Variants in OOEP observed in about 807,000 individuals in gnomAD.
OOEP encodes oocyte-expressed protein homolog.
OOEP carries 16 observed loss-of-function variants against 13.7 expected under a neutral mutation model. The observed-to-expected ratio is 1.16, with a 90% CI of 0.79 to 1.77. The LOEUF is 1.77. Ranked by LOEUF, OOEP falls within the 40% of genes most tolerant of loss-of-function variation. The probability of loss-of-function intolerance (pLI) is 0.00; values close to 1 mark genes in which losing one functional copy is unlikely to be tolerated. For missense variants in OOEP, 195 were observed against 193.1 expected, an observed-to-expected ratio of 1.01 and a Z score of -0.06; for synonymous variants, 89 against 77.1, an observed-to-expected ratio of 1.15 and a Z score of -0.81.
intron 2 of OOEP, among the ~76,000 whole-genome samples, chr6:73,389,285 C>G (rs1197038951): frequency 6.6e-6 from 1 of 152,174 alleles, no homozygotes; most frequent in Non-Finnish European, 1.5e-5. Context: ...CAGAAGTCCC[C>G]GCCCTACTCC....
intron 2 of OOEP, among the ~76,000 whole-genome samples, chr6:73,394,051 A>G (rs1769398544): frequency 6.6e-6 from 1 of 152,090 alleles, no homozygotes; most frequent in Admixed American, 6.6e-5. Flanking sequence ...CATTAAATAC[A>G]TTTTGTGAGC....
intron 2 of OOEP, among the ~76,000 whole-genome samples, chr6:73,376,341 GTTGTTTTT>G (rs1243642738): frequency 0.011 from 773 of 67,872 alleles, no homozygotes; most frequent in Admixed American, 0.021. Flanking sequence ...TGGACAAGGG[GTTGTTTTT>G]TTTTTTTTTT....
chr6:73,385,157 T>A (rs779778650), intron 2 of OOEP, among the ~76,000 whole-genome samples: 4 of 151,526 alleles, frequency 2.6e-5, no homozygotes, highest in Non-Finnish European at 5.9e-5. Context: ...CCATCCTGGC[T>A]AACATGGTGA....
At chr6:73,371,759 A>T (rs200809705), upstream of OOEP, among the ~76,000 whole-genome samples, 1,571 of 151,548 alleles carry the variant, frequency 0.01, 37 homozygotes, top group East Asian at 0.052. Flanking sequence ...TCAAAAATAA[A>T]AAAAAATAAA....
intron 2 of OOEP, among the ~76,000 whole-genome samples, chr6:73,388,752 C>T (rs1769307272): frequency 6.6e-6 from 1 of 152,202 alleles, no homozygotes; most frequent in South Asian, 2.1e-4. Flanking sequence ...ATGAGTCTGG[C>T]AGGTTGTAAG....
intron 2 of OOEP, among the ~76,000 whole-genome samples, chr6:73,392,619 CTTTTTTTTTTTTTTTTTTTTT>C (rs70994198): frequency 2.3e-5 from 1 of 43,992 alleles, no homozygotes; most frequent in South Asian, 1.6e-3. Flanking sequence ...CCTAGGTAAT[CTTTTTTTTTTTTTTTTTTTTT>C]TTTTTTTTGA....
At chr6:73,384,160 T>A (rs905455056) in intron 2 of OOEP, among the ~76,000 whole-genome samples, 3 of 152,090 alleles carry the variant, frequency 2.0e-5, no homozygotes, top group Non-Finnish European at 4.4e-5. Context: ...AAAAGGATTA[T>A]AAGGTAATAC....
At chr6:73,389,219 C>T (rs1201627702) in intron 2 of OOEP, among the ~76,000 whole-genome samples, 4 of 152,056 alleles carry the variant, frequency 2.6e-5, no homozygotes, top group African/African-American at 9.7e-5. Flanking sequence ...TGAGGCTTGC[C>T]GGAGGGAAAT....
At chr6:73,376,344 G>GTTTTTTTTTTTTTTTTTT (rs70994194) in intron 2 of OOEP, among the ~76,000 whole-genome samples, 1 of 103,526 alleles carries the variant, frequency 9.7e-6, no homozygotes, top group African/African-American at 4.0e-5. Context: ...ACAAGGGGTT[G>GTTTTTTTTTTTTTTTTTT]TTTTTTTTTT....
At chr6:73,373,421 A>G (rs1474738645), upstream of OOEP, among the ~76,000 whole-genome samples, 1 of 152,162 alleles carries the variant, frequency 6.6e-6, no homozygotes, top group East Asian at 1.9e-4. Context: ...AGGCAGGTGC[A>G]TGCCATCACA....
intron 2 of OOEP, among the ~76,000 whole-genome samples, chr6:73,384,739 C>CT (rs772710975): frequency 0.014 from 1,903 of 139,074 alleles, 32 homozygotes; most frequent in African/African-American, 0.042. Flanking sequence ...ACAAACAAAC[C>CT]TTTTTTTTTT....
chr6:73,372,852 G>A (rs1029626423), upstream of OOEP, among the ~76,000 whole-genome samples: 20 of 151,016 alleles, frequency 1.3e-4, 1 homozygote, highest in Admixed American at 8.6e-4. Context: ...GCAAACTGAC[G>A]TTTCACAGAG....
upstream of OOEP, chr6:73,373,287 C>T (rs1380383319): frequency 6.3e-7 from 1 of 1,581,848 alleles, no homozygotes; most frequent in Non-Finnish European, 8.7e-7. Flanking sequence ...GTCAAGAACA[C>T]ACCACGATGG....
intron 2 of OOEP, among the ~76,000 whole-genome samples, chr6:73,379,734 T>A (rs1277589079): frequency 6.6e-6 from 1 of 151,880 alleles, no homozygotes; most frequent in Non-Finnish European, 1.5e-5. Context: ...TTCTCATATC[T>A]TTTTTTGTTT....
chr6:73,372,183 C>G (rs1306173204), upstream of OOEP, among the ~76,000 whole-genome samples: 3 of 152,180 alleles, frequency 2.0e-5, no homozygotes. Flanking sequence ...ATATTTTACC[C>G]AGCATGTATA....
At chr6:73,371,896 C>T (rs1389849394), upstream of OOEP, among the ~76,000 whole-genome samples, 1 of 152,152 alleles carries the variant, frequency 6.6e-6, no homozygotes, top group Non-Finnish European at 1.5e-5. Flanking sequence ...CCACTACACT[C>T]CAGCCTGGGC....
chr6:73,373,956 T>G (rs1272267046), upstream of OOEP, among the ~76,000 whole-genome samples: 1 of 152,040 alleles, frequency 6.6e-6, no homozygotes, highest in Non-Finnish European at 1.5e-5. Context: ...ACTGGGAGGC[T>G]GAGGCGGGAG....
upstream of OOEP, among the ~76,000 whole-genome samples, chr6:73,372,870 G>A (rs955419516): frequency 9.2e-5 from 14 of 151,826 alleles, no homozygotes; most frequent in Non-Finnish European, 1.6e-4. Flanking sequence ...GAGCTCTTAA[G>A]GGCCGGAAGA....
In OOEP at chr6:73,368,944, G is replaced by A. The variant is rs1048274728; in HGVS notation, c.371-81C>T. ...GAACTACTCCGTGACTGGGAGTTGG[G>A]GAGGAGAGAAAGATCTGCGATAGTG... On this transcript the variant is annotated intron_variant, in intron 2 of 2. Transcript: ENST00000370359. 2.1e-5 allele frequency: 24 copies of A among 1,126,300 alleles called. No individual in the cohort carries two copies. In the African/African-American group the frequency reaches 3.5e-4, roughly 16 times the overall value. The allele number at this position is 1,126,300 out of a possible 1,614,324, so 69.8% of individuals were successfully genotyped here.
Sources: allele counts gnomAD v4.1 joint callset (sites outside exome capture counted in the v4.1 genomes callset), GRCh38; gene constraint gnomAD v4.1.1; transcripts MANE v1.5; gene names NCBI Gene and HGNC (gene_info 2026-07-23, HGNC 2026-07-21).